Variants in COL28A1 observed in about 807,000 individuals in gnomAD.
COL28A1 encodes the protein collagen alpha-1(XXVIII) chain.
COL28A1 carries 161 observed loss-of-function variants against 150.2 expected under a neutral mutation model. The ratio of observed to expected loss-of-function variants is 1.07; its 90% confidence interval spans 0.94 to 1.22. COL28A1 has a LOEUF of 1.22. COL28A1 is among the 50% of genes most tolerant of loss of function. COL28A1 has a pLI of 0.00. For synonymous variants in COL28A1, 552 were observed against 469.7 expected, an observed-to-expected ratio of 1.18 and a Z score of -2.26; for missense variants, 1,617 against 1,388.3, an observed-to-expected ratio of 1.16 and a Z score of -2.62.
rs140237797 is a variant in COL28A1 at position 7,483,306 on chromosome 7, C to T, written c.1164+6083G>A. Among the ~76,000 whole-genome samples the T allele has an allele frequency of 3.0e-3, 451 of 152,150 alleles. 2 individuals carry two copies. Among genetic ancestry groups the T allele is most frequent in the African/African-American group, 0.01 (426 of 41,502 alleles). On this transcript the variant is annotated intron_variant, in intron 13 of 34. Transcript: ENST00000399429. Reference sequence around the variant, plus strand: ...AACTTACAGTATTTTTTATTTATGACGGGTATAGTAGGATGTAACTCCATT... The same window carrying T: ...AACTTACAGTATTTTTTATTTATGATGGGTATAGTAGGATGTAACTCCATT...
chr7:7,383,877 C>T (rs1782035291), intron 27 of COL28A1, among the ~76,000 whole-genome samples: 2 of 152,098 alleles, frequency 1.3e-5, no homozygotes, highest in South Asian at 2.1e-4. Context: ...CACTTGTATA[C>T]ATTCCTAGGA....
intron 11 of COL28A1, among the ~76,000 whole-genome samples, chr7:7,497,512 G>C (rs1187854548): frequency 2.6e-5 from 4 of 152,160 alleles, no homozygotes; most frequent in African/African-American, 9.6e-5. Flanking sequence ...TTGAAACCCA[G>C]CAGTTTGAGG....
chr7:7,369,301 A>C (rs2128282288), intron 33 of COL28A1, among the ~76,000 whole-genome samples: 1 of 152,350 alleles, frequency 6.6e-6, no homozygotes, highest in East Asian at 1.9e-4. Flanking sequence ...AGGGTTGGCA[A>C]ACCACTGTGG....
chr7:7,362,240 G>T (rs1376560458), intron 33 of COL28A1, among the ~76,000 whole-genome samples: 1 of 94,920 alleles, frequency 1.1e-5, no homozygotes. Context: ...TCTTTTATGG[G>T]AATAATTATA....
chr7:7,370,152 T>C (rs1781144752), intron 33 of COL28A1, among the ~76,000 whole-genome samples: 1 of 152,206 alleles, frequency 6.6e-6, no homozygotes, highest in Non-Finnish European at 1.5e-5. Context: ...TCACATACTA[T>C]GTGATTGAGG....
chr7:7,491,912 A>T (rs1399712457), intron 11 of COL28A1, among the ~76,000 whole-genome samples: 3 of 152,182 alleles, frequency 2.0e-5, no homozygotes, highest in Non-Finnish European at 4.4e-5. Flanking sequence ...TGCAAAGAAA[A>T]TTTTAAATTA....
chr7:7,353,811 C>T (rs761264660), downstream of COL28A1, among the ~76,000 whole-genome samples: 5 of 151,952 alleles, frequency 3.3e-5, no homozygotes, highest in Admixed American at 6.6e-5. Context: ...CTTTTTCTCC[C>T]GTCAAAATAG....
Position 7,502,741 on chromosome 7 carries a change from A to G in COL28A1, c.1026+3273T>C, listed in dbSNP as rs1226307647. On this transcript the variant is annotated intron_variant, in intron 11 of 34. Coordinates refer to ENST00000399429, the MANE Select transcript of COL28A1 (RefSeq NM_001037763.3). ...GAGACGGAGTCTTGCTCTGTCGCCC[A>G]GGCTGGAGTGCAGTGGCGCGATCTC... Among the ~76,000 whole-genome samples the G allele has an allele frequency of 8.3e-5, 3 of 35,974 alleles. 1 individual carries two copies. Among genetic ancestry groups the G allele is most frequent in the Non-Finnish European group, 1.2e-4 (3 of 25,570 alleles). 23.6% of individuals were successfully genotyped at this position (35,974 alleles called of 152,430 possible). A position where few individuals can be genotyped will look rare whatever the true frequency, so the allele number is the denominator to read the frequency against.
intron 8 of COL28A1, among the ~76,000 whole-genome samples, chr7:7,515,502 G>A (rs1173457752): frequency 6.6e-6 from 1 of 152,164 alleles, no homozygotes; most frequent in African/African-American, 2.4e-5. Context: ...TGCTGAATCT[G>A]TTTGTGTAAA....
At chr7:7,443,441 A>C in intron 20 of COL28A1, 144 bp downstream of exon 20, 1 of 1,252,820 alleles carries the variant, frequency 8.0e-7, no homozygotes, top group Non-Finnish European at 1.1e-6. Flanking sequence ...GTCTTCCAAA[A>C]GCTTCCAAGA....
intron 13 of COL28A1, among the ~76,000 whole-genome samples, chr7:7,477,576 G>C (rs562762775): frequency 5.3e-5 from 8 of 152,330 alleles, no homozygotes; most frequent in Admixed American, 3.3e-4. Context: ...AGCGCGTCCA[G>C]AGTTTGTTCC....
chr7:7,410,341 C>A (rs1783711209), intron 27 of COL28A1, among the ~76,000 whole-genome samples: 1 of 152,074 alleles, frequency 6.6e-6, no homozygotes, highest in African/African-American at 2.4e-5. Flanking sequence ...TAAGCCACAC[C>A]CTCGACCCCC....
At chr7:7,474,764 A>G in intron 14 of COL28A1, 95 bp from the exon 15 acceptor site, 1 of 732,792 alleles carries the variant, frequency 1.4e-6, no homozygotes, top group Non-Finnish European at 2.4e-6. Context: ...CTTCAAAATT[A>G]TTTTTTAAAT....
At chr7:7,489,644 G>GT (rs1170948522) in intron 12 of COL28A1, among the ~76,000 whole-genome samples, 187 bp from the exon 13 acceptor site, 1 of 152,202 alleles carries the variant, frequency 6.6e-6, no homozygotes, top group African/African-American at 2.4e-5. Context: ...ACCCTAAAAT[G>GT]TTTATTATCT....
In COL28A1 at chr7:7,440,786, A is replaced by G. The variant is rs952728252; in HGVS notation, c.1722+4T>C. 3 of 1,356,834 alleles carry G rather than the reference A, an allele frequency of 2.2e-6. No homozygotes were observed. Among genetic ancestry groups the G allele is most frequent in the Non-Finnish European group, 2.1e-6 (2 of 950,358 alleles). The allele number at this position is 1,356,834 out of a possible 1,614,324, so 84.0% of individuals were successfully genotyped here. On this transcript the variant is annotated splice_donor_region_variant and intron_variant, in intron 21 of 34. Transcript: ENST00000399429. Reference sequence around the variant, plus strand: ...AAGCGTAAGTCAGAATACAAGAAACATACCTTTGGTCCTTCGGGCCCTGGA... The same window carrying G: ...AAGCGTAAGTCAGAATACAAGAAACGTACCTTTGGTCCTTCGGGCCCTGGA...
intron 13 of COL28A1, among the ~76,000 whole-genome samples, chr7:7,485,524 G>T (rs767217917): frequency 1.8e-4 from 28 of 152,064 alleles, no homozygotes; most frequent in Non-Finnish European, 3.8e-4. Context: ...ACATGTCTAA[G>T]AAATCTTCAT....
intron 15 of COL28A1, among the ~76,000 whole-genome samples, chr7:7,465,205 C>T (rs372361866): frequency 4.6e-5 from 7 of 151,248 alleles, no homozygotes; most frequent in Admixed American, 6.6e-5. Context: ...CGGGTTCATC[C>T]CACTAGGGAG....
the COL28A1 span, among the ~76,000 whole-genome samples, chr7:7,543,392 T>A: frequency 6.6e-6 from 1 of 152,260 alleles, no homozygotes; most frequent in Non-Finnish European, 1.5e-5. Flanking sequence ...TTTCTTAGTT[T>A]TTTTCTTATT....
rs59365180 is a variant in COL28A1, at chr7:7,443,034, C to CAA, written c.1650+549_1650+550dup. The stretch of plus-strand genomic sequence containing the variant: ...TGTGGGACAGAGTGAGACTCCGTCT[C>CAA]AAAAAAAAAAAAAAAATTGCAGGAA... On this transcript the variant is annotated intron_variant, in intron 20 of 34. Transcript: ENST00000399429. 9.8e-3 allele frequency among the ~76,000 whole-genome samples: 1,037 copies of CAA among 106,078 alleles called. 10 individuals carry two copies. Among genetic ancestry groups the CAA allele is most frequent in the African/African-American group, 0.028 (875 of 31,648 alleles). The allele number at this position is 106,078 out of a possible 152,430, so 69.6% of individuals were successfully genotyped here.
Sources: allele counts gnomAD v4.1 joint callset (sites outside exome capture counted in the v4.1 genomes callset), GRCh38; gene constraint gnomAD v4.1.1; transcripts MANE v1.5; gene names NCBI Gene and HGNC (gene_info 2026-07-23, HGNC 2026-07-21).